The following CDH13 variants were observed in gnomAD, a reference collection of about 807,000 sequenced individuals.
CDH13 encodes cadherin-13.
A neutral mutation model predicts 63.8 loss-of-function variants in CDH13; 24 were observed. The observed-to-expected ratio is 0.38, with a 90% CI of 0.27 to 0.53. CDH13 has a LOEUF of 0.53. Ranked by LOEUF, CDH13 falls within the 20% of genes least tolerant of loss-of-function variation. The probability of loss-of-function intolerance (pLI) is 0.85; values close to 1 mark genes in which losing one functional copy is unlikely to be tolerated. For synonymous variants in CDH13, 503 were observed against 355.3 expected (o/e 1.42, Z -4.67); for missense variants, 1,049 against 903.1 (o/e 1.16, Z -2.07).
chr16:83,257,181 G>T (rs1003411811), intron 5 of CDH13, among the ~76,000 whole-genome samples: 4 of 152,074 alleles, frequency 2.6e-5, no homozygotes, highest in Non-Finnish European at 4.4e-5. Flanking sequence ...CTTCCTCGAG[G>T]GTGAGTAGGA....
At chr16:83,668,278 C>T (rs1262463542) in intron 8 of CDH13, among the ~76,000 whole-genome samples, 1 of 152,212 alleles carries the variant, frequency 6.6e-6, no homozygotes, top group Non-Finnish European at 1.5e-5. Context: ...TTCTTCTGTG[C>T]ACCTAGCACC....
chr16:83,390,883 C>T (rs546251766), intron 6 of CDH13, among the ~76,000 whole-genome samples: 1 of 152,206 alleles, frequency 6.6e-6, no homozygotes, highest in Non-Finnish European at 1.5e-5. Context: ...TGAGCAGAGG[C>T]CAGTCAAATC....
chr16:83,089,952 C>G (rs558963628), intron 3 of CDH13, among the ~76,000 whole-genome samples: 1 of 152,226 alleles, frequency 6.6e-6, no homozygotes, highest in East Asian at 1.9e-4. Flanking sequence ...CTTTGCATAG[C>G]AAGAAATGAG....
At chr16:83,285,044 C>G (rs2089274525) in intron 5 of CDH13, among the ~76,000 whole-genome samples, 1 of 152,128 alleles carries the variant, frequency 6.6e-6, no homozygotes, top group African/African-American at 2.4e-5. Flanking sequence ...CCCAGTTATT[C>G]TCACTCATAA....
intron 4 of CDH13, among the ~76,000 whole-genome samples, chr16:83,162,644 A>C (rs2037496529): frequency 6.6e-6 from 1 of 152,108 alleles, no homozygotes; most frequent in South Asian, 2.1e-4. Context: ...CAGGTTGCCT[A>C]AACAGTTACT....
At chr16:83,524,874 G>T (rs1598218686) in intron 7 of CDH13, among the ~76,000 whole-genome samples, 1 of 152,116 alleles carries the variant, frequency 6.6e-6, no homozygotes. Flanking sequence ...AAGCCACAGG[G>T]ATCAGAGAAG....
chr16:83,283,829 T>C (rs942308768), intron 5 of CDH13, among the ~76,000 whole-genome samples: 5 of 152,180 alleles, frequency 3.3e-5, no homozygotes, highest in African/African-American at 1.2e-4. Flanking sequence ...TTGGTAATAA[T>C]ATCTACTTGT....
chr16:82,936,107 C>T (rs1335347597), intron 2 of CDH13, among the ~76,000 whole-genome samples: 1 of 152,128 alleles, frequency 6.6e-6, no homozygotes, highest in Admixed American at 6.5e-5. Flanking sequence ...TCTTACTGTA[C>T]ATGTGGCTGG....
At chr16:83,070,976 T>C (rs1409100511) in intron 3 of CDH13, among the ~76,000 whole-genome samples, 2 of 151,366 alleles carry the variant, frequency 1.3e-5, no homozygotes, top group East Asian at 3.9e-4. Context: ...CATGAGGTCA[T>C]GATAGCACCG....
intron 3 of CDH13, among the ~76,000 whole-genome samples, chr16:83,035,607 C>T (rs1161163560): frequency 1.3e-5 from 2 of 152,136 alleles, no homozygotes; most frequent in Non-Finnish European, 2.9e-5. Context: ...TGAGCCTGGG[C>T]AGCCTGGCCC....
At chr16:83,672,409 C>CTGTTTTTTTTTT (rs1914579088) in intron 9 of CDH13, among the ~76,000 whole-genome samples, 1 of 35,108 alleles carries the variant, frequency 2.8e-5, no homozygotes, top group Non-Finnish European at 5.0e-5. Context: ...TCTGGATTCT[C>CTGTTTTTTTTTT]TTTTTTTTTT....
intron 4 of CDH13, among the ~76,000 whole-genome samples, chr16:83,215,609 G>A (rs1009059030): frequency 7.2e-5 from 11 of 151,824 alleles, no homozygotes; most frequent in Non-Finnish European, 1.6e-4. Context: ...CATCGGAATT[G>A]CAGGCTTGGC....
intron 4 of CDH13, among the ~76,000 whole-genome samples, chr16:83,215,389 A>G (rs2039467433): frequency 6.6e-6 from 1 of 151,666 alleles, no homozygotes; most frequent in African/African-American, 2.4e-5. Flanking sequence ...CACATAGTTT[A>G]TTTTTAATTT....
intron 1 of CDH13, among the ~76,000 whole-genome samples, chr16:82,669,036 G>T (rs1912934539): frequency 6.6e-6 from 1 of 152,166 alleles, no homozygotes; most frequent in Non-Finnish European, 1.5e-5. Context: ...CCACATCCGA[G>T]GGAGTAAATT....
chr16:83,415,383 T>C (rs1234456198), intron 6 of CDH13, among the ~76,000 whole-genome samples: 1 of 152,174 alleles, frequency 6.6e-6, no homozygotes, highest in East Asian at 1.9e-4. Context: ...TCCGAACAGC[T>C]GGAGAGGGAG....
At chr16:82,689,098 G>A (rs1298466800) in intron 1 of CDH13, 2 of 152,032 alleles carry the variant, frequency 1.3e-5, no homozygotes, top group African/African-American at 4.8e-5. Context: ...ATAAAGTAAT[G>A]GGTATTTTTC....
At chr16:82,778,330 CTCTT>C (rs1257940666) in intron 1 of CDH13, among the ~76,000 whole-genome samples, 5 of 152,248 alleles carry the variant, frequency 3.3e-5, no homozygotes, top group African/African-American at 9.6e-5. Context: ...AATATTCCCT[CTCTT>C]TCAAATAACT....
intron 1 of CDH13, among the ~76,000 whole-genome samples, chr16:82,636,803 A>G (rs528390433): frequency 6.6e-6 from 1 of 152,332 alleles, no homozygotes; most frequent in South Asian, 2.1e-4. Context: ...AGCTCTTGCC[A>G]ATTTCTGTGA....
chr16:83,189,978 T>C (rs1194651206), intron 4 of CDH13, among the ~76,000 whole-genome samples: 1 of 152,154 alleles, frequency 6.6e-6, no homozygotes, highest in Non-Finnish European at 1.5e-5. Context: ...AAGACGTGAC[T>C]TTGCTCCTCA....
Sources: allele counts gnomAD v4.1 joint callset (sites outside exome capture counted in the v4.1 genomes callset), GRCh38; gene constraint gnomAD v4.1.1; transcripts MANE v1.5; gene names NCBI Gene and HGNC (gene_info 2026-07-23, HGNC 2026-07-21).